Variants in DSE observed in about 807,000 individuals in gnomAD.
The protein encoded by DSE is dermatan sulfate epimerase, also known as dermatan-sulfate epimerase.
In DSE, 36 loss-of-function variants were observed where a neutral mutation model predicts 84.4. The observed-to-expected ratio is 0.43, with a 90% CI of 0.33 to 0.56. The LOEUF is 0.56. Ranked by LOEUF, DSE falls within the 20% of genes least tolerant of loss-of-function variation. The probability of loss-of-function intolerance (pLI) is 0.06; values close to 1 mark genes in which losing one functional copy is unlikely to be tolerated. For missense variants in DSE, 862 were observed against 1,169.6 expected, an observed-to-expected ratio of 0.74 and a Z score of 3.84; for synonymous variants, 410 against 430.1, an observed-to-expected ratio of 0.95 and a Z score of 0.58.
intron 2 of DSE, among the ~76,000 whole-genome samples, chr6:116,405,975 G>T (rs575907292): frequency 3.7e-4 from 56 of 152,302 alleles, no homozygotes; most frequent in African/African-American, 1.3e-3. Flanking sequence ...TCAAATGCAG[G>T]TGAAGATAAA....
At chr6:116,399,861 A>G (rs1488117083) in intron 2 of DSE, 195 bp downstream of exon 2, 1 of 575,818 alleles carries the variant, frequency 1.7e-6, no homozygotes, top group Admixed American at 3.4e-5. Context: ...CCATGTTTAA[A>G]GTTAGAAGGA....
chr6:116,435,966 G>C lies in DSE; in HGVS notation c.1498G>C (p.Gly500Arg). The change falls in exon 6 of 6, where the codon GGT becomes CGT. Residue 500 changes from glycine (G) to arginine (R), a missense_variant. Physicochemically the swap from Gly to Arg is moderately radical, Grantham distance 125 (BLOSUM62 -2). Around this residue, in one of 4 missense-constraint regions of DSE, gnomAD observed 186 missense variants for 255.1 expected, o/e 0.73. Transcript: ENST00000644252. ...AAAGAGCTGCTTTTCTCCCTGGGTG[G>C]GTCAGGTCACAGAAGACTGCTCATC... ...VSKSCFSPWV[G>R]QVTEDCSSKW... 1 of 1,614,092 alleles carries C rather than the reference G, an allele frequency of 6.2e-7. No individual in the cohort carries two copies. The highest frequency in any genetic ancestry group is 8.5e-7 in the Non-Finnish European group (1 of 1,180,012).
intron 2 of DSE, among the ~76,000 whole-genome samples, chr6:116,314,868 T>C (rs961248855): frequency 1.3e-5 from 2 of 152,238 alleles, no homozygotes; most frequent in Non-Finnish European, 2.9e-5. Flanking sequence ...TTTTAACTTA[T>C]CCACGCTCTC....
intron 2 of DSE, among the ~76,000 whole-genome samples, chr6:116,354,135 T>A (rs1256428339): frequency 6.6e-6 from 1 of 152,154 alleles, no homozygotes; most frequent in South Asian, 2.1e-4. Context: ...AAGAATAATA[T>A]TAGTTCAGGT....
intron 1 of DSE, among the ~76,000 whole-genome samples, chr6:116,377,264 C>T (rs1779982859): frequency 6.6e-6 from 1 of 152,140 alleles, no homozygotes; most frequent in African/African-American, 2.4e-5. Context: ...CATTATACCG[C>T]AACAAAGTTG....
chr6:116,359,640 C>T (rs1405523127), intron 2 of DSE, among the ~76,000 whole-genome samples: 1 of 152,142 alleles, frequency 6.6e-6, no homozygotes, highest in African/African-American at 2.4e-5. Context: ...TAGTATTATT[C>T]TTTCACACTC....
At chr6:116,408,358 C>T (rs1039087115) in intron 2 of DSE, among the ~76,000 whole-genome samples, 3 of 152,178 alleles carry the variant, frequency 2.0e-5, no homozygotes, top group Admixed American at 6.5e-5. Context: ...GGCACATAAG[C>T]TTATTGAGGG....
intron 2 of DSE, among the ~76,000 whole-genome samples, chr6:116,281,261 G>A (rs1017374527): frequency 9.2e-5 from 14 of 152,248 alleles, no homozygotes; most frequent in Admixed American, 8.5e-4. Context: ...GCCTCTAGAA[G>A]CTTGAAAGGT....
intron 2 of DSE, chr6:116,279,393 C>G (rs774417900): frequency 6.2e-7 from 1 of 1,613,082 alleles, no homozygotes. Context: ...CCTCCGCCCC[C>G]GCCGTCAGCT....
intron 1 of DSE, among the ~76,000 whole-genome samples, chr6:116,389,989 T>C (rs1262422106): frequency 6.6e-6 from 1 of 152,018 alleles, no homozygotes; most frequent in East Asian, 1.9e-4. Context: ...CATTTTCTTA[T>C]ATTTTTGTTT....
At chr6:116,403,026 C>T (rs1441670078) in intron 2 of DSE, among the ~76,000 whole-genome samples, 3 of 152,126 alleles carry the variant, frequency 2.0e-5, no homozygotes, top group Non-Finnish European at 4.4e-5. Flanking sequence ...CATCTAATAG[C>T]CTACAAAGTA....
At chr6:116,288,501 T>C (rs887461994) in intron 2 of DSE, 2 of 152,094 alleles carry the variant, frequency 1.3e-5, no homozygotes, top group Non-Finnish European at 2.9e-5. Context: ...TGGGTGAGCA[T>C]TGAATAGCTT....
At chr6:116,344,205 A>T (rs890838456) in intron 2 of DSE, among the ~76,000 whole-genome samples, 8 of 152,130 alleles carry the variant, frequency 5.3e-5, no homozygotes, top group African/African-American at 1.9e-4. Flanking sequence ...GTTAGAAAAC[A>T]CTCTTCAGGA....
intron 1 of DSE, among the ~76,000 whole-genome samples, chr6:116,374,409 TTC>T (rs1343838478): frequency 6.6e-6 from 1 of 152,182 alleles, no homozygotes; most frequent in Non-Finnish European, 1.5e-5. Flanking sequence ...GATACTATTA[TTC>T]TGTTTGCTGA....
At chr6:116,339,068 T>C (rs543986453) in intron 2 of DSE, among the ~76,000 whole-genome samples, 1 of 150,962 alleles carries the variant, frequency 6.6e-6, no homozygotes, top group South Asian at 2.1e-4. Flanking sequence ...AACAGATAAA[T>C]GAGTTGGTCT....
At chr6:116,313,087 A>T (rs757709857) in intron 2 of DSE, among the ~76,000 whole-genome samples, 32 of 152,342 alleles carry the variant, frequency 2.1e-4, no homozygotes, top group Non-Finnish European at 4.3e-4. Context: ...TGGTATCCTT[A>T]TAAGAAGATC....
intron 1 of DSE, among the ~76,000 whole-genome samples, chr6:116,373,147 G>A (rs960312539): frequency 1.3e-5 from 2 of 151,778 alleles, no homozygotes; most frequent in Non-Finnish European, 2.9e-5. Flanking sequence ...CAGGTCAAGA[G>A]TTCGAGACCA....
In DSE at chr6:116,364,211, A is replaced by AT. The variant is rs546579657; in HGVS notation, c.-53-34980dup. Among the ~76,000 whole-genome samples, 106 of 152,300 alleles carry AT rather than the reference A, an allele frequency of 7.0e-4. 1 individual carries two copies. The South Asian group carries it at 0.019, about 28-fold the overall frequency. On this transcript the variant is annotated intron_variant, in intron 2 of 3. Transcript: ENST00000430252. The stretch of plus-strand genomic sequence containing the variant: ...TGGGTTTTTATTTTGTTATTTTAAC[A>AT]TTTTTTTAAAATGGCAGTGTTTCCA...
chr6:116,291,586 A>G (rs553421072), intron 2 of DSE, among the ~76,000 whole-genome samples: 7 of 150,914 alleles, frequency 4.6e-5, no homozygotes, highest in African/African-American at 1.7e-4. Flanking sequence ...TATATTAAAT[A>G]TAATTATATA....
Sources: allele counts gnomAD v4.1 joint callset (sites outside exome capture counted in the v4.1 genomes callset), GRCh38; gene constraint gnomAD v4.1.1; regional missense constraint gnomAD v4.1.1; transcripts MANE v1.5; gene names NCBI Gene and HGNC (gene_info 2026-07-23, HGNC 2026-07-21).